Variants in BTBD7 observed in about 807,000 individuals in gnomAD.
BTBD7 encodes BTB domain containing 7, also known as BTB/POZ domain-containing protein 7.
Under a neutral mutation model 99.9 loss-of-function variants are expected in BTBD7, and 38 were observed. The ratio of observed to expected loss-of-function variants is 0.38; its 90% confidence interval spans 0.29 to 0.50. The LOEUF is 0.50. BTBD7 is among the 20% of genes least tolerant of loss of function. The pLI is 0.93. For missense variants in BTBD7, 1,170 were observed against 1,394.6 expected, an observed-to-expected ratio of 0.84 and a Z score of 2.57; for synonymous variants, 520 against 511.4, an observed-to-expected ratio of 1.02 and a Z score of -0.23.
chr14:93,285,175 C>T (rs1248766190), intron 3 of BTBD7, among the ~76,000 whole-genome samples: 2 of 151,952 alleles, frequency 1.3e-5, no homozygotes, highest in Non-Finnish European at 2.9e-5. Context: ...GGAAGAGTGT[C>T]AATATGTAGA....
chr14:93,276,554 T>C (rs139900937), intron 3 of BTBD7, among the ~76,000 whole-genome samples: 312 of 152,260 alleles, frequency 2.0e-3, no homozygotes, highest in African/African-American at 7.2e-3. Flanking sequence ...CAGAAGTTCT[T>C]TTCCTTAGTA....
chr14:93,284,254 G>A (rs2052753091), intron 3 of BTBD7, among the ~76,000 whole-genome samples: 2 of 152,148 alleles, frequency 1.3e-5, no homozygotes, highest in Admixed American at 6.5e-5. Context: ...GAACTGACAA[G>A]TAAACAGTGA....
chr14:93,316,795 C>G lies in BTBD7; in HGVS notation c.-107+16025G>C, dbSNP rs554468673. Among the ~76,000 whole-genome samples, 311 of 152,226 alleles carry G rather than the reference C, an allele frequency of 2.0e-3. 1 individual carries two copies. The highest frequency in any genetic ancestry group is 7.2e-3 in the African/African-American group (297 of 41,530). On this transcript the variant is annotated intron_variant, in intron 1 of 10. Transcript: ENST00000334746. Reference sequence around the variant, plus strand: ...TTCATATTCAAGATGGTAAAGTGATCATAATATTGCTGTGGCAAACTGAGA... The same window carrying G: ...TTCATATTCAAGATGGTAAAGTGATGATAATATTGCTGTGGCAAACTGAGA...
Position 93,280,527 on chromosome 14 carries a change from T to G in BTBD7, c.1162+13331A>C, listed in dbSNP as rs988803208. 3.3e-5 allele frequency among the ~76,000 whole-genome samples: 5 copies of G among 152,248 alleles called. 1 individual carries two copies. Among genetic ancestry groups the G allele is most frequent in the African/African-American group, 1.2e-4 (5 of 41,472 alleles). On this transcript the variant is annotated intron_variant, in intron 3 of 10. Coordinates refer to ENST00000334746, the MANE Select transcript of BTBD7 (RefSeq NM_001002860.4). ...TGTATGTATATTTCACCCTTAAATT[T>G]CATGACATGTATAACATTTATCAGA...
chr14:93,331,614 C>G (rs1482618524), intron 1 of BTBD7, among the ~76,000 whole-genome samples: 1 of 152,228 alleles, frequency 6.6e-6, no homozygotes, highest in Non-Finnish European at 1.5e-5. Flanking sequence ...GGCGCGGTGG[C>G]TCACGCCTGC....
Position 93,242,257 on chromosome 14 carries a change from G to A in BTBD7, c.*16C>T, listed in dbSNP as rs780275795. 8.7e-6 allele frequency: 14 copies of A among 1,606,152 alleles called. No individual in the cohort carries two copies. The South Asian group carries it at 8.8e-5, about 10-fold the overall frequency. Reference sequence around the variant, plus strand: ...GATGTTTCACATCTCAGGCACAGACGACTTGGAGGTTGCTCTCAGAGGGCA... The same window carrying A: ...GATGTTTCACATCTCAGGCACAGACAACTTGGAGGTTGCTCTCAGAGGGCA... On this transcript the variant is annotated 3_prime_UTR_variant, in exon 11 of 11. Coordinates refer to ENST00000334746, the MANE Select transcript of BTBD7 (RefSeq NM_001002860.4).
At chr14:93,325,429 G>GT (rs71129628) in intron 1 of BTBD7, among the ~76,000 whole-genome samples, 58,489 of 151,722 alleles carry the variant, frequency 0.39, 12,491 homozygotes, top group African/African-American at 0.58. Context: ...TGTCTGGCCT[G>GT]TTTTTTAAGA....
At chr14:93,322,238 G>A (rs1189741011) in intron 1 of BTBD7, among the ~76,000 whole-genome samples, 3 of 152,096 alleles carry the variant, frequency 2.0e-5, no homozygotes, top group Admixed American at 6.6e-5. Flanking sequence ...TCAGCCTCTC[G>A]AATAGCTAAG....
intron 1 of BTBD7, among the ~76,000 whole-genome samples, chr14:93,303,283 T>C (rs72708572): frequency 1.3e-5 from 2 of 152,302 alleles, no homozygotes; most frequent in Non-Finnish European, 2.9e-5. Context: ...ACACCTACTT[T>C]ACAAGGTTGT....
intron 1 of BTBD7, among the ~76,000 whole-genome samples, chr14:93,315,082 CTCCTTCTT>C (rs2053183514): frequency 6.6e-6 from 1 of 151,980 alleles, no homozygotes; most frequent in Non-Finnish European, 1.5e-5. Flanking sequence ...TCTGGGTTTC[CTCCTTCTT>C]ACTGCAAACA....
intron 1 of BTBD7, among the ~76,000 whole-genome samples, chr14:93,307,953 C>T (rs1271538539): frequency 6.6e-6 from 1 of 152,102 alleles, no homozygotes; most frequent in African/African-American, 2.4e-5. Context: ...AAAACTATTT[C>T]TTGGGATCCA....
At chr14:93,306,906 C>CA (rs1361805920) in intron 1 of BTBD7, among the ~76,000 whole-genome samples, 1 of 152,116 alleles carries the variant, frequency 6.6e-6, no homozygotes, top group African/African-American at 2.4e-5. Flanking sequence ...TTCTCTTTAT[C>CA]AGTTGTCTCA....
chr14:93,332,908 G>T lies in BTBD7; in HGVS notation c.-195C>A. The T allele has an allele frequency of 7.5e-7, 1 of 1,326,044 alleles. No homozygotes were observed. Among genetic ancestry groups the T allele is most frequent in the Non-Finnish European group, 1.0e-6 (1 of 1,001,776 alleles). 82.1% of individuals were successfully genotyped at this position (1,326,044 alleles called of 1,614,324 possible). A position where few individuals can be genotyped will look rare whatever the true frequency, so the allele number is the denominator to read the frequency against. ...CGCCACCAGCACCGCCGTCCGCACC[G>T]GCGCCAGCACCCCCGGCCATCCTCC... On this transcript the variant is annotated 5_prime_UTR_variant, in exon 1 of 11. Coordinates refer to ENST00000334746, the MANE Select transcript of BTBD7 (RefSeq NM_001002860.4).
intron 3 of BTBD7, among the ~76,000 whole-genome samples, chr14:93,274,960 T>C (rs2052639460): frequency 6.6e-6 from 1 of 152,192 alleles, no homozygotes; most frequent in South Asian, 2.1e-4. Flanking sequence ...GATACAATGA[T>C]AAATAATACA....
In BTBD7 at chr14:93,242,648, T is replaced by C; in HGVS notation, c.3024A>G (p.Glu1008=). 1.9e-6 allele frequency: 3 copies of C among 1,613,696 alleles called. No homozygotes were observed. Among genetic ancestry groups the C allele is most frequent in the Non-Finnish European group, 2.5e-6 (3 of 1,179,900 alleles). The change falls in exon 11 of 11, where the codon GAA becomes GAG. Residue 1008 remains glutamate (E), a synonymous_variant. Coordinates refer to ENST00000334746, the MANE Select transcript of BTBD7 (RefSeq NM_001002860.4). The part of the protein sequence containing the change: ...SPKKQEEARR[E]YPLSPDGHLH... ...GATGCCCGTCAGGGGAAAGTGGATATTCTCTCCTAGCTTCTTCCTGTTTTT... is the reference window on the plus strand; with the variant it reads ...GATGCCCGTCAGGGGAAAGTGGATACTCTCTCCTAGCTTCTTCCTGTTTTT...
chr14:93,332,992 G>C lies in BTBD7; in HGVS notation c.-279C>G, dbSNP rs771650162. On this transcript the variant is annotated 5_prime_UTR_variant, in exon 1 of 11. Transcript: ENST00000334746. ...TGTCAGTGGCTCAGGCTCCGGGACT[G>C]CTCCAGGTTCCCCTCGCCGCCATTT... 8.9e-6 allele frequency: 5 copies of C among 560,414 alleles called. No individual in the cohort carries two copies. Among genetic ancestry groups the C allele is most frequent in the Non-Finnish European group, 1.5e-5 (5 of 338,886 alleles). The allele number at this position is 560,414 out of a possible 1,614,324, so 34.7% of individuals were successfully genotyped here.
At chr14:93,324,248 G>A (rs953954419) in intron 1 of BTBD7, among the ~76,000 whole-genome samples, 2 of 152,044 alleles carry the variant, frequency 1.3e-5, no homozygotes, top group African/African-American at 4.8e-5. Context: ...AGACGCCTGG[G>A]CAATACAGGG....
intron 9 of BTBD7, among the ~76,000 whole-genome samples, chr14:93,247,637 C>T (rs926943417): frequency 5.3e-5 from 8 of 152,166 alleles, no homozygotes; most frequent in African/African-American, 1.7e-4. Context: ...TGAGCCACTG[C>T]GCCCGGCCAC....
At chr14:93,316,276 A>T (rs544838205) in intron 1 of BTBD7, among the ~76,000 whole-genome samples, 68 of 142,188 alleles carry the variant, frequency 4.8e-4, no homozygotes, top group African/African-American at 1.4e-3. Flanking sequence ...AATTTTTTTT[A>T]AAAAATAGAG....
Sources: gnomAD v4.1 joint callset for allele counts (sites outside exome capture counted in the v4.1 genomes callset) on GRCh38, gnomAD v4.1.1 for gene constraint, MANE v1.5 for transcripts, NCBI Gene and HGNC (gene_info 2026-07-23, HGNC 2026-07-21) for gene names.